VPS51: variants seen among roughly 807,000 people sequenced by gnomAD.
VPS51 encodes the protein vacuolar protein sorting-associated protein 51 homolog.
In VPS51, 55 loss-of-function variants were observed where a neutral mutation model predicts 65.1. The observed-to-expected ratio is 0.84, with a 90% confidence interval of 0.68 to 1.06. The LOEUF (loss-of-function observed/expected upper bound fraction) is 1.06, where lower values mean the gene tolerates loss of function less well. Among genes scored for constraint, VPS51 ranks in the 50% least tolerant of loss-of-function variants. The pLI, the probability that VPS51 is intolerant of heterozygous loss-of-function variation, is 0.00. For synonymous variants in VPS51, 473 were observed against 489.5 expected, an observed-to-expected ratio of 0.97 and a Z score of 0.44; for missense variants, 943 against 1,101.6, an observed-to-expected ratio of 0.86 and a Z score of 2.04.
intron 2 of VPS51, among the ~76,000 whole-genome samples, chr11:65,106,287 T>A (rs1039902520): frequency 5.3e-5 from 8 of 152,148 alleles, no homozygotes; most frequent in African/African-American, 1.9e-4. Flanking sequence ...TGCCCGAGAC[T>A]AGGTAACTTA....
chr11:65,109,302 T>G lies in VPS51; in HGVS notation c.1466T>G (p.Val489Gly), dbSNP rs1355333328. ...CAGGGTGAGTTCTGCAGTCAGGGTG[T>G]CCGTGAGGGCCTCATCGTGGGCTTC... ...YFRGEFCSQG[V>G]REGLIVGFVH... The change falls in exon 6 of 10, where the codon GTC becomes GGC. Residue 489 changes from valine (V) to glycine (G), a missense_variant. Val to Gly is a moderately radical substitution (Grantham distance 109, BLOSUM62 -3). Transcript: ENST00000279281. The G allele has an allele frequency of 6.2e-7, 1 of 1,612,518 alleles. No homozygotes were observed.
At position 65,111,374 on chromosome 11, in the gene VPS51, G is replaced by GGAGT. The variant is rs767664796; in HGVS notation, c.2138_2141dup (p.Cys714Ter). ...TCAAGATCAGCCTGAAGACGCTGCT[G>GGAGT]GAGTGTGTGCGGCTGCGCACCTTTG... On this transcript the variant is annotated frameshift_variant, in exon 10 of 10. Coordinates refer to ENST00000279281, the MANE Select transcript of VPS51 (RefSeq NM_013265.4). LOFTEE classifies it high-confidence loss of function. 6.2e-7 allele frequency: 1 copy of GGAGT among 1,611,216 alleles called. No homozygotes were observed. Among genetic ancestry groups the GGAGT allele is most frequent in the African/African-American group, 1.3e-5 (1 of 74,944 alleles).
In VPS51 at chr11:65,107,609, C is replaced by G; in HGVS notation, c.387C>G (p.Phe129Leu). The G allele has an allele frequency of 6.3e-7, 1 of 1,599,082 alleles. No individual in the cohort carries two copies. Among genetic ancestry groups the G allele is most frequent in the Non-Finnish European group, 8.6e-7 (1 of 1,167,968 alleles). ...CCATCCGGAAGATGAAGAACGATTTCCGGAAGATGGAGGATGAGATGGACC... is the reference window on the plus strand; with the variant it reads ...CCATCCGGAAGATGAAGAACGATTTGCGGAAGATGGAGGATGAGATGGACC... ...TDTIRKMKND[F>L]RKMEDEMDRL... The change falls in exon 3 of 10, where the codon TTC (phenylalanine) becomes TTG (leucine). Residue 129 changes from phenylalanine (F) to leucine (L), a missense_variant. Phe to Leu is a conservative substitution (Grantham distance 22, BLOSUM62 0). This residue lies in a region of VPS51 where 855 missense variants were observed against 953.7 expected (regional missense o/e 0.90). Coordinates refer to ENST00000279281, the MANE Select transcript of VPS51 (RefSeq NM_013265.4). This position sits in a 1 kb window ranked among gnomAD's most constrained non-coding sequence, Gnocchi z 4.0.
At chr11:65,108,123 T>A in intron 4 of VPS51, 74 bp from the exon 5 acceptor site, 1 of 1,551,120 alleles carries the variant, frequency 6.4e-7, no homozygotes, top group Non-Finnish European at 8.6e-7. Flanking sequence ...GCCCTGTGTG[T>A]GCTTTGCTTT....
intron 2 of VPS51, among the ~76,000 whole-genome samples, chr11:65,099,016 T>C (rs1004442240): frequency 3.3e-5 from 5 of 151,996 alleles, no homozygotes; most frequent in African/African-American, 1.2e-4. Context: ...GGTGAAACCC[T>C]GTCTCTACTA....
rs1438163658 is a variant in VPS51, at chr11:65,107,420, T to A, written c.359-161T>A. 5.7e-3 allele frequency: 3,116 copies of A among 549,916 alleles called. No individual in the cohort carries two copies. Among genetic ancestry groups the A allele is most frequent in the Non-Finnish European group, 8.0e-3 (2,510 of 314,522 alleles). The allele number at this position is 549,916 out of a possible 1,614,324, so 34.1% of individuals were successfully genotyped here. ...ACATAAACCCCCTCCCCCGCCCCCA[T>A]GTGCGCTGTGACCCACGCCCTCGCA... On this transcript the variant is annotated intron_variant, in intron 2 of 9. Transcript: ENST00000279281. This position sits in a 1 kb window ranked among gnomAD's most constrained non-coding sequence, Gnocchi z 4.0.
In VPS51 at chr11:65,109,851, C is replaced by A. The variant is rs1947877839; in HGVS notation, c.1806C>A (p.Ser602Arg). 1 of 1,611,824 alleles carries A rather than the reference C, an allele frequency of 6.2e-7. No homozygotes were observed. Among genetic ancestry groups the A allele is most frequent in the East Asian group, 2.2e-5 (1 of 44,848 alleles). ...RKSVETRDWL[S>R]TLEPRNVRAV... Reference sequence around the variant, plus strand: ...GCGTGGAGACTCGCGACTGGCTCAGCACTCTGGAGCCCCGGAATGTGCGGG... The same window carrying A: ...GCGTGGAGACTCGCGACTGGCTCAGAACTCTGGAGCCCCGGAATGTGCGGG... The change falls in exon 7 of 10, where the codon AGC (serine) becomes AGA (arginine). Residue 602 changes from serine to arginine, a missense_variant. By Grantham distance (110) the Ser-to-Arg change is moderately radical (BLOSUM62 -1). Around this residue, in one of 2 missense-constraint regions of VPS51, gnomAD observed 855 missense variants for 953.7 expected, o/e 0.90. Transcript: ENST00000279281.
Position 65,111,716 on chromosome 11 carries a change from T to C in VPS51, c.*129T>C. On this transcript the variant is annotated 3_prime_UTR_variant, in exon 10 of 10. Transcript: ENST00000279281. The stretch of plus-strand genomic sequence containing the variant: ...AACATGTGTGGCCTCCTCCTCTCGC[T>C]TGCTGGGCGGGCCTTTCCGGGGGCG... The C allele has an allele frequency of 7.2e-7, 1 of 1,387,834 alleles. No homozygotes were observed. 86.0% of individuals were successfully genotyped at this position (1,387,834 alleles called of 1,614,324 possible).
Position 65,109,763 on chromosome 11 carries a change from G to T in VPS51, c.1718G>T (p.Arg573Leu), listed in dbSNP as rs146670601. Reference protein sequence around the residue: ...TLCAEARETARRLLTHYVKVQ... With the variant: ...TLCAEARETALRLLTHYVKVQ... Reference sequence around the variant, plus strand: ...TGTGCAGAGGCCAGGGAAACGGCGCGGCGGCTGCTGACCCACTACGTGAAG... The same window carrying T: ...TGTGCAGAGGCCAGGGAAACGGCGCTGCGGCTGCTGACCCACTACGTGAAG... Residue 573 changes from arginine to leucine, a missense_variant, in exon 7 of 10, where the codon CGG becomes CTG. Transcript: ENST00000279281. 261 of 1,599,274 alleles carry T rather than the reference G, an allele frequency of 1.6e-4. No individual in the cohort carries two copies. The highest frequency in any genetic ancestry group is 2.2e-4 in the Non-Finnish European group (255 of 1,173,792).
At chr11:65,103,068 C>T (rs756163738) in intron 2 of VPS51, among the ~76,000 whole-genome samples, 3 of 152,162 alleles carry the variant, frequency 2.0e-5, no homozygotes, top group Non-Finnish European at 4.4e-5. Context: ...GTAGGAGGAT[C>T]ACTTGAGCCC....
chr11:65,100,017 C>T (rs183914128), intron 2 of VPS51, among the ~76,000 whole-genome samples: 67 of 152,086 alleles, frequency 4.4e-4, no homozygotes, highest in Admixed American at 4.1e-3. Context: ...GCAGGAGAAT[C>T]GCTTGAACCC....
Position 65,108,462 on chromosome 11 carries a change from C to G in VPS51, c.991C>G (p.Pro331Ala). The change falls in exon 5 of 10, where the codon CCA becomes GCA. Residue 331 changes from proline to alanine, a missense_variant. By Grantham distance (27) the Pro-to-Ala change is conservative. This residue lies in a region of VPS51 where 855 missense variants were observed against 953.7 expected (regional missense o/e 0.90). Transcript: ENST00000279281. ...AYQELFAAQG[P>A]AGAEKLAAFA... Reference sequence around the variant, plus strand: ...CCAGGAGCTGTTTGCGGCCCAGGGCCCAGCAGGTGCCGAGAAGCTGGCGGC... The same window carrying G: ...CCAGGAGCTGTTTGCGGCCCAGGGCGCAGCAGGTGCCGAGAAGCTGGCGGC... 3 of 1,610,116 alleles carry G rather than the reference C, an allele frequency of 1.9e-6. No homozygotes were observed. In the African/African-American group the frequency reaches 4.0e-5, roughly 21 times the overall value.
In VPS51 at chr11:65,110,701, A is replaced by C; in HGVS notation, c.2008A>C (p.Met670Leu). ...TTGTCTTCCCCAATCCAGTGCCCCG[A>C]TGGACACCAACCTCTTGAGCAATAT... ...YAPSYTPSAP[M>L]DTNLLSNIQK... The change falls in exon 9 of 10, where the codon ATG becomes CTG. Residue 670 changes from methionine (M) to leucine (L), a missense_variant. Met to Leu is a conservative substitution (Grantham distance 15). Around this residue, in one of 2 missense-constraint regions of VPS51, gnomAD observed 855 missense variants for 953.7 expected, o/e 0.90. Transcript: ENST00000279281. The C allele has an allele frequency of 6.2e-7, 1 of 1,614,166 alleles. No homozygotes were observed. Among genetic ancestry groups the C allele is most frequent in the Non-Finnish European group, 8.5e-7 (1 of 1,180,024 alleles).
At chr11:65,102,099 C>A (rs1947813284) in intron 2 of VPS51, among the ~76,000 whole-genome samples, 1 of 148,780 alleles carries the variant, frequency 6.7e-6, no homozygotes, top group Non-Finnish European at 1.5e-5. Flanking sequence ...CTCACTGCAA[C>A]CTCCGCCTCC....
At position 65,111,602 on chromosome 11, in the gene VPS51, A is replaced by G. The variant is rs369679151; in HGVS notation, c.*15A>G. ...AGCGCGGCTAGGCGCAGCCGCTGCCATGCACCGGTCTGTCCCTGCACCCCA... is the reference window on the plus strand; with the variant it reads ...AGCGCGGCTAGGCGCAGCCGCTGCCGTGCACCGGTCTGTCCCTGCACCCCA... On this transcript the variant is annotated 3_prime_UTR_variant, in exon 10 of 10. Transcript: ENST00000279281. 1.7e-5 allele frequency: 27 copies of G among 1,594,466 alleles called. No homozygotes were observed. Among genetic ancestry groups the G allele is most frequent in the Middle Eastern group, 1.7e-4 (1 of 6,008 alleles).
rs1947863384 is a variant in VPS51, at chr11:65,108,653, T to G, written c.1182T>G (p.Ala394=). ...ALLAAAGLAD[A]ATEIVERVAR... is the part of the protein sequence containing the mutation. ...TGGCCGCTGCCGGGCTCGCAGACGCTGCCACGGAGATCGTGGAACGAGTGG... is the reference window on the plus strand; with the variant it reads ...TGGCCGCTGCCGGGCTCGCAGACGCGGCCACGGAGATCGTGGAACGAGTGG... Residue 394 remains alanine, a synonymous_variant, in exon 5 of 10, where the codon GCT becomes GCG. Transcript: ENST00000279281. 6.4e-7 allele frequency: 1 copy of G among 1,556,498 alleles called. No individual in the cohort carries two copies. Among genetic ancestry groups the G allele is most frequent in the African/African-American group, 1.4e-5 (1 of 73,488 alleles).
intron 1 of VPS51, 189 bp from the exon 2 acceptor site, chr11:65,096,809 A>G: frequency 1.2e-6 from 1 of 821,854 alleles, no homozygotes; most frequent in South Asian, 1.8e-5. Flanking sequence ...AACACCAAAC[A>G]CGGTTGAACC....
In VPS51 at chr11:65,107,997, G is replaced by A; in HGVS notation, c.700G>A (p.Ala234Thr). 1 of 1,546,228 alleles carries A rather than the reference G, an allele frequency of 6.5e-7. No individual in the cohort carries two copies. Among genetic ancestry groups the A allele is most frequent in the Non-Finnish European group, 8.7e-7 (1 of 1,147,318 alleles). The change falls in exon 4 of 10, where the codon GCC becomes ACC. Residue 234 changes from alanine to threonine, a missense_variant. Ala to Thr is a moderately conservative substitution (Grantham distance 58). Transcript: ENST00000279281. This position sits in a 1 kb window ranked among gnomAD's most constrained non-coding sequence, Gnocchi z 4.0. ...DDCQVITARL[A>T]QQLRQRFREG... The stretch of plus-strand genomic sequence containing the variant: ...CTGCCAGGTCATCACGGCCCGCCTG[G>A]CCCAGCAGCTGCGGCAGCGCTTTAG...
At chr11:65,110,932 A>C (rs1947893244) in intron 9 of VPS51, 151 bp downstream of exon 9, 1 of 878,660 alleles carries the variant, frequency 1.1e-6, no homozygotes, top group Non-Finnish European at 1.8e-6. Flanking sequence ...GTTTTTAGGT[A>C]GTACAGAGTG....
Sources: gnomAD v4.1 joint callset for allele counts (sites outside exome capture counted in the v4.1 genomes callset) on GRCh38, gnomAD v4.1.1 for gene constraint, gnomAD v4.1.1 regional missense constraint, Gnocchi (gnomAD v3.1) non-coding constraint, MANE v1.5 for transcripts, NCBI Gene and HGNC (gene_info 2026-07-23, HGNC 2026-07-21) for gene names.